OR2L13: variants seen among roughly 807,000 people sequenced by gnomAD.
OR2L13 encodes the protein olfactory receptor family 2 subfamily L member 13.
OR2L13 carries 14 observed loss-of-function variants against 15.3 expected under a neutral mutation model. The observed-to-expected ratio is 0.91, with a 90% confidence interval of 0.60 to 1.43. The LOEUF (loss-of-function observed/expected upper bound fraction) is 1.43, where lower values mean the gene tolerates loss of function less well. OR2L13 is among the 40% of genes most tolerant of loss of function. The probability of loss-of-function intolerance (pLI) is 0.00; values close to 1 mark genes in which losing one functional copy is unlikely to be tolerated. For synonymous variants in OR2L13, 152 were observed against 142.9 expected (o/e 1.06, Z -0.45); for missense variants, 367 against 387.9 (o/e 0.95, Z 0.45).
the OR2L13 span, among the ~76,000 whole-genome samples, chr1:247,985,091 C>A: frequency 1.9e-4 from 29 of 152,142 alleles, 1 homozygote; most frequent in East Asian, 5.0e-3. Context: ...TATGTACTTA[C>A]TACATTATTT....
At chr1:248,053,445 T>C in the OR2L13 span, among the ~76,000 whole-genome samples, 2 of 152,198 alleles carry the variant, frequency 1.3e-5, no homozygotes, top group South Asian at 2.1e-4. Context: ...AATAGAATAA[T>C]TTATATTCCT....
At chr1:248,054,756 G>A in the OR2L13 span, among the ~76,000 whole-genome samples, 1 of 152,222 alleles carries the variant, frequency 6.6e-6, no homozygotes, top group Admixed American at 6.5e-5. Flanking sequence ...TGTTGCTGGA[G>A]TGTAGGATTG....
the OR2L13 span, among the ~76,000 whole-genome samples, chr1:247,952,983 T>A: frequency 3.3e-5 from 5 of 152,272 alleles, no homozygotes; most frequent in African/African-American, 1.2e-4. Flanking sequence ...AATCCTATTT[T>A]TCATGCCAAT....
At chr1:248,089,374 A>G in the OR2L13 span, among the ~76,000 whole-genome samples, 1 of 151,930 alleles carries the variant, frequency 6.6e-6, no homozygotes, top group Non-Finnish European at 1.5e-5. Context: ...GCTTCATTAT[A>G]TAGGCATTAA....
At chr1:248,054,352 T>C in the OR2L13 span, among the ~76,000 whole-genome samples, 1 of 152,224 alleles carries the variant, frequency 6.6e-6, no homozygotes, top group Non-Finnish European at 1.5e-5. Context: ...AAGTTTATGT[T>C]ACTGTAGCTT....
At chr1:247,966,841 T>A in the OR2L13 span, among the ~76,000 whole-genome samples, 1 of 152,206 alleles carries the variant, frequency 6.6e-6, no homozygotes, top group Non-Finnish European at 1.5e-5. Context: ...TTTATTAATA[T>A]TGAATAATGT....
chr1:247,974,755 A>G, the OR2L13 span: 1 of 233,648 alleles, frequency 4.3e-6, no homozygotes, highest in Non-Finnish European at 9.8e-6. Context: ...GAAAAATACA[A>G]TCAAACATCA....
chr1:247,993,250 A>G, the OR2L13 span, among the ~76,000 whole-genome samples: 1 of 151,340 alleles, frequency 6.6e-6, no homozygotes, highest in Non-Finnish European at 1.5e-5. Flanking sequence ...TGATTTATTT[A>G]ACTTCCCTAC....
At chr1:248,073,221 C>A in the OR2L13 span, among the ~76,000 whole-genome samples, 4 of 152,014 alleles carry the variant, frequency 2.6e-5, no homozygotes, top group Non-Finnish European at 5.9e-5. Context: ...GACTTGCAAC[C>A]AACCCAAATG....
the OR2L13 span, among the ~76,000 whole-genome samples, chr1:247,941,258 C>G: frequency 6.6e-6 from 1 of 152,018 alleles, no homozygotes; most frequent in Non-Finnish European, 1.5e-5. Context: ...TTAGTTAGGT[C>G]CTGCTCATCA....
chr1:248,026,247 C>G, the OR2L13 span, among the ~76,000 whole-genome samples: 1 of 152,222 alleles, frequency 6.6e-6, no homozygotes, highest in Non-Finnish European at 1.5e-5. Flanking sequence ...GCCTGATCTG[C>G]AGTTGACCCT....
the OR2L13 span, among the ~76,000 whole-genome samples, chr1:247,950,051 T>TG: frequency 6.6e-6 from 1 of 152,128 alleles, no homozygotes; most frequent in Non-Finnish European, 1.5e-5. Flanking sequence ...ATTTTTTTTT[T>TG]GGTCATGCAG....
chr1:247,965,436 T>C, the OR2L13 span: 1 of 1,613,756 alleles, frequency 6.2e-7, no homozygotes, highest in Non-Finnish European at 8.5e-7. Context: ...TTTTCCAATA[T>C]GGCTGGATAA....
At chr1:247,945,602 G>A in the OR2L13 span, among the ~76,000 whole-genome samples, 2 of 152,138 alleles carry the variant, frequency 1.3e-5, no homozygotes. Flanking sequence ...GGGTATTAAA[G>A]TCTCCCGCTA....
the OR2L13 span, among the ~76,000 whole-genome samples, chr1:247,970,563 G>C: frequency 6.6e-6 from 1 of 152,064 alleles, no homozygotes; most frequent in African/African-American, 2.4e-5. Flanking sequence ...TAGTACCAAG[G>C]GACAAGACTA....
the OR2L13 span, among the ~76,000 whole-genome samples, chr1:247,969,506 A>G: frequency 2.6e-5 from 4 of 152,162 alleles, no homozygotes; most frequent in African/African-American, 9.7e-5. Context: ...GTAGGCTAGC[A>G]GGATTGGATG....
chr1:247,990,807 TC>T, the OR2L13 span: 1 of 1,602,806 alleles, frequency 6.2e-7, no homozygotes, highest in East Asian at 2.2e-5. Context: ...TCTGTGATGT[TC>T]CAGCTATGTT....
the OR2L13 span, among the ~76,000 whole-genome samples, chr1:248,086,546 A>G: frequency 6.6e-6 from 1 of 152,182 alleles, no homozygotes; most frequent in African/African-American, 2.4e-5. Flanking sequence ...TCTTTCAGGT[A>G]TACGGAGGTA....
At chr1:248,038,331 A>T in the OR2L13 span, 104 of 1,612,828 alleles carry the variant, frequency 6.4e-5, no homozygotes, top group African/African-American at 1.1e-3. Context: ...ACAATCAAGA[A>T]TTGGCCTTTT....
Sources: allele counts gnomAD v4.1 joint callset (sites outside exome capture counted in the v4.1 genomes callset), GRCh38; gene constraint gnomAD v4.1.1; transcripts MANE v1.5; gene names NCBI Gene and HGNC (gene_info 2026-07-23, HGNC 2026-07-21).